The following CNTNAP2 variants were observed in gnomAD, a reference collection of about 807,000 sequenced individuals.
CNTNAP2 encodes the protein contactin associated protein 2.
A neutral mutation model predicts 155.2 loss-of-function variants in CNTNAP2; 98 were observed. The observed-to-expected ratio is 0.63, with a 90% CI of 0.54 to 0.75. The LOEUF (loss-of-function observed/expected upper bound fraction) is 0.75, where lower values mean the gene tolerates loss of function less well. Among genes scored for constraint, CNTNAP2 ranks in the 30% least tolerant of loss-of-function variants. The probability of loss-of-function intolerance (pLI) is 0.00; values close to 1 mark genes in which losing one functional copy is unlikely to be tolerated. For synonymous variants in CNTNAP2, 651 were observed against 631.2 expected, an observed-to-expected ratio of 1.03 and a Z score of -0.47; for missense variants, 1,727 against 1,688.1, an observed-to-expected ratio of 1.02 and a Z score of -0.40.
chr7:146,298,587 CAG>C lies in CNTNAP2; in HGVS notation c.97+181615_97+181616del, dbSNP rs546862961. Among the ~76,000 whole-genome samples the C allele has an allele frequency of 6.6e-5, 10 of 152,342 alleles. No individual in the cohort carries two copies. The South Asian group carries it at 1.7e-3, about 25-fold the overall frequency. ...GCCTTCTGTCCAGATGTGGGGCTAT[CAG>C]GGGATTTGGAGTTTAGCTTTGTTTG... On this transcript the variant is annotated intron_variant, in intron 1 of 23. Coordinates refer to ENST00000361727, the MANE Select transcript of CNTNAP2 (RefSeq NM_014141.6).
chr7:148,308,332 A>G (rs1486154115), intron 21 of CNTNAP2, among the ~76,000 whole-genome samples: 1 of 152,030 alleles, frequency 6.6e-6, no homozygotes, highest in East Asian at 1.9e-4. Context: ...ACTTGGAAAA[A>G]AACAAAGAGT....
intron 13 of CNTNAP2, among the ~76,000 whole-genome samples, chr7:147,880,383 T>C (rs1055053728): frequency 6.6e-6 from 1 of 152,224 alleles, no homozygotes; most frequent in Non-Finnish European, 1.5e-5. Flanking sequence ...ATGACTTTTA[T>C]GTGCATTTGA....
chr7:147,591,534 C>T (rs1006713637), intron 12 of CNTNAP2, among the ~76,000 whole-genome samples: 1 of 152,140 alleles, frequency 6.6e-6, no homozygotes, highest in African/African-American at 2.4e-5. Flanking sequence ...CAATTCAGCA[C>T]ATGAGTATCT....
In CNTNAP2 at chr7:146,303,074, G is replaced by A. The variant is rs542128996; in HGVS notation, c.97+186101G>A. On this transcript the variant is annotated intron_variant, in intron 1 of 23. Transcript: ENST00000361727. ...AAACTAGGTACACCTTTGTGTGCATGTGTGTGTGTGTGTGTGTGTGTGTGT... is the reference window on the plus strand; with the variant it reads ...AAACTAGGTACACCTTTGTGTGCATATGTGTGTGTGTGTGTGTGTGTGTGT... Among the ~76,000 whole-genome samples the A allele has an allele frequency of 1.9e-3, 158 of 82,236 alleles. 3 individuals carry two copies. The South Asian group carries it at 0.046, about 24-fold the overall frequency. The allele number at this position is 82,236 out of a possible 152,430, so 54.0% of individuals were successfully genotyped here.
At chr7:148,370,427 G>A (rs534606958) in intron 21 of CNTNAP2, among the ~76,000 whole-genome samples, 1 of 152,310 alleles carries the variant, frequency 6.6e-6, no homozygotes, top group Non-Finnish European at 1.5e-5. Flanking sequence ...CTAGCAGAGT[G>A]ACCTCAGTCA....
At chr7:147,732,027 G>A (rs1481762572) in intron 13 of CNTNAP2, among the ~76,000 whole-genome samples, 2 of 151,426 alleles carry the variant, frequency 1.3e-5, no homozygotes, top group Admixed American at 6.6e-5. Flanking sequence ...GATGAGCAAA[G>A]AAATTGGTTT....
chr7:147,779,783 G>T (rs1187494815), intron 13 of CNTNAP2, among the ~76,000 whole-genome samples: 4 of 152,188 alleles, frequency 2.6e-5, no homozygotes, highest in African/African-American at 9.7e-5. Context: ...TCTCCTGCAA[G>T]TCATCTGGAG....
At chr7:147,158,536 C>T (rs910556474) in intron 8 of CNTNAP2, among the ~76,000 whole-genome samples, 27 of 151,990 alleles carry the variant, frequency 1.8e-4, no homozygotes, top group African/African-American at 5.3e-4. Flanking sequence ...AGCTGACCTG[C>T]GATTCAGCAC....
At chr7:147,521,301 G>T (rs1179992713) in intron 11 of CNTNAP2, among the ~76,000 whole-genome samples, 6 of 151,990 alleles carry the variant, frequency 3.9e-5, no homozygotes. Flanking sequence ...GTAATTATCG[G>T]GAACCAAAGA....
intron 14 of CNTNAP2, among the ~76,000 whole-genome samples, chr7:147,972,806 A>G (rs1033619109): frequency 6.8e-6 from 1 of 147,946 alleles, no homozygotes; most frequent in Non-Finnish European, 1.5e-5. Context: ...GTAACTTTCA[A>G]CAAAGGCTCG....
chr7:146,902,333 T>A (rs907997769), intron 3 of CNTNAP2, among the ~76,000 whole-genome samples: 1 of 152,208 alleles, frequency 6.6e-6, no homozygotes, highest in African/African-American at 2.4e-5. Context: ...GCAGTGCTTT[T>A]GAAATATACT....
chr7:146,151,210 T>G (rs1460135954), intron 1 of CNTNAP2, among the ~76,000 whole-genome samples: 1 of 152,092 alleles, frequency 6.6e-6, no homozygotes, highest in Non-Finnish European at 1.5e-5. Context: ...AAGATGAGAT[T>G]TGGGTGGGGA....
At chr7:148,137,998 A>T (rs1804993776) in intron 16 of CNTNAP2, among the ~76,000 whole-genome samples, 2 of 152,204 alleles carry the variant, frequency 1.3e-5, no homozygotes, top group Non-Finnish European at 2.9e-5. Context: ...TGACACTGAA[A>T]GGATTTGATA....
At chr7:148,057,950 CTTA>C (rs60012733) in intron 15 of CNTNAP2, among the ~76,000 whole-genome samples, 4,718 of 142,722 alleles carry the variant, frequency 0.033, 226 homozygotes, top group African/African-American at 0.1. Context: ...CAGCTTCCAG[CTTA>C]TTATTATTAT....
At chr7:147,427,813 G>A (rs1297811090) in intron 10 of CNTNAP2, among the ~76,000 whole-genome samples, 1 of 151,930 alleles carries the variant, frequency 6.6e-6, no homozygotes, top group East Asian at 1.9e-4. Flanking sequence ...TATCTTTTTT[G>A]GGACTTCAAA....
At chr7:147,868,369 T>C (rs752371611) in intron 13 of CNTNAP2, among the ~76,000 whole-genome samples, 7 of 152,172 alleles carry the variant, frequency 4.6e-5, no homozygotes, top group African/African-American at 1.7e-4. Flanking sequence ...CCTGCCTATA[T>C]GAGGTGTCTG....
At chr7:147,012,255 A>T (rs543021316) in intron 3 of CNTNAP2, among the ~76,000 whole-genome samples, 1 of 152,162 alleles carries the variant, frequency 6.6e-6, no homozygotes, top group African/African-American at 2.4e-5. Context: ...GTAGTAATAG[A>T]TGTAAAAACC....
intron 12 of CNTNAP2, among the ~76,000 whole-genome samples, chr7:147,624,754 G>A (rs1014131825): frequency 6.6e-6 from 1 of 152,016 alleles, no homozygotes; most frequent in African/African-American, 2.4e-5. Context: ...CCTACTGATG[G>A]GTATATACAC....
chr7:147,608,588 C>T (rs756403396), intron 12 of CNTNAP2, among the ~76,000 whole-genome samples: 4 of 152,112 alleles, frequency 2.6e-5, no homozygotes, highest in Admixed American at 1.3e-4. Context: ...AGGTATCAGC[C>T]ACCACACCTG....
Sources: allele counts gnomAD v4.1 joint callset (sites outside exome capture counted in the v4.1 genomes callset), GRCh38; gene constraint gnomAD v4.1.1; transcripts MANE v1.5; gene names NCBI Gene and HGNC (gene_info 2026-07-23, HGNC 2026-07-21).